TASOR2: variants seen among roughly 807,000 people sequenced by gnomAD.
TASOR2 encodes transcription activation suppressor family member 2.
Under a neutral mutation model 199.5 loss-of-function variants are expected in TASOR2, and 84 were observed. The observed-to-expected ratio is 0.42, with a 90% CI of 0.35 to 0.50. TASOR2 has a LOEUF of 0.50. Among genes scored for constraint, TASOR2 ranks in the 20% least tolerant of loss-of-function variants. The pLI, the probability that TASOR2 is intolerant of heterozygous loss-of-function variation, is 0.02. For synonymous variants in TASOR2, 1,103 were observed against 1,046.6 expected (o/e 1.05, Z -1.04); for missense variants, 2,796 against 2,835.9 (o/e 0.99, Z 0.32).
At chr10:5,709,777 T>C (rs1162699726) in intron 1 of TASOR2, 1 of 902,378 alleles carries the variant, frequency 1.1e-6, no homozygotes, top group Non-Finnish European at 1.4e-6. Context: ...TAAAAAATTA[T>C]GATTTCCAGT....
intron 6 of TASOR2, among the ~76,000 whole-genome samples, chr10:5,723,029 T>C (rs1447228784): frequency 1.4e-5 from 2 of 140,398 alleles, no homozygotes; most frequent in Non-Finnish European, 3.1e-5. Context: ...AAGGAAAAAG[T>C]AGTCAGGAAA....
Position 5,692,586 on chromosome 10 carries a change from A to G in TASOR2, c.-288+7411A>G, listed in dbSNP as rs556224243. Among the ~76,000 whole-genome samples the G allele has an allele frequency of 1.8e-4, 27 of 151,984 alleles. 1 individual carries two copies. Among genetic ancestry groups the G allele is most frequent in the Middle Eastern group, 3.4e-3 (1 of 294 alleles). The stretch of plus-strand genomic sequence containing the variant: ...TTCTGTAGGGTTCCCTGGTGTGTGG[A>G]GTCCCTACCCGCTACAAGCTCCGTT... On this transcript the variant is annotated intron_variant, in intron 1 of 20. Transcript: ENST00000328090.
intron 1 of TASOR2, among the ~76,000 whole-genome samples, chr10:5,708,701 T>TTCCTC (rs1393769844): frequency 2.1e-5 from 3 of 141,676 alleles, no homozygotes; most frequent in East Asian, 4.8e-4. Context: ...TTTCTTTCCT[T>TTCCTC]TCCTCTCTTT....
chr10:5,720,603 T>C lies in TASOR2; in HGVS notation c.-40T>C, dbSNP rs565598467. 2.5e-6 allele frequency: 4 copies of C among 1,613,900 alleles called. No individual in the cohort carries two copies. In the Admixed American group the frequency reaches 6.7e-5, roughly 27 times the overall value. On this transcript the variant is annotated 5_prime_UTR_variant, in exon 4 of 21. Coordinates refer to ENST00000328090, the Ensembl canonical transcript of TASOR2. This position sits in a 1 kb window ranked among gnomAD's most constrained non-coding sequence, Gnocchi z 5.3. ...TTGAACGACCCAGACAGATCTGTCC[T>C]TATGTAATTGTAGCTTTTCGATACA...
exon 15 of TASOR2, chr10:5,747,945 T>C (rs1398563444): frequency 1.9e-6 from 3 of 1,613,844 alleles, no homozygotes; most frequent in South Asian, 1.1e-5. Context: ...CAAGTGAGCA[T>C]GATGAGGGTT....
exon 21 of TASOR2, chr10:5,763,115 A>T: frequency 4.0e-5 from 49 of 1,226,738 alleles, no homozygotes; most frequent in Non-Finnish European, 4.9e-5. Context: ...ACATGTGAAT[A>T]CACATGTGAA....
At chr10:5,686,133 A>G (rs527482271) in intron 1 of TASOR2, among the ~76,000 whole-genome samples, 1 of 152,322 alleles carries the variant, frequency 6.6e-6, no homozygotes, top group Non-Finnish European at 1.5e-5. Context: ...CCTGTACTGT[A>G]CATCAATAAA....
Position 5,708,606 on chromosome 10 carries a change from T to C in TASOR2, c.-287-4217T>C, listed in dbSNP as rs12217345. ...TCTCTCTCTTTCTCTATCTCTTCCT[T>C]CCTCCCTCCCTCCCTCCCTCCCTTC... is the stretch of plus-strand genomic sequence containing the variant. On this transcript the variant is annotated intron_variant, in intron 1 of 20. Coordinates refer to ENST00000328090, the Ensembl canonical transcript of TASOR2. Among the ~76,000 whole-genome samples, 105 of 47,112 alleles carry C rather than the reference T, an allele frequency of 2.2e-3. 1 individual carries two copies. The highest frequency in any genetic ancestry group is 0.018 in the Admixed American group (71 of 3,866). 30.9% of individuals were successfully genotyped at this position (47,112 alleles called of 152,430 possible). A position where few individuals can be genotyped will look rare whatever the true frequency, so the allele number is the denominator to read the frequency against.
rs200378870 is a variant in TASOR2 at position 5,731,331 on chromosome 10, C to T, written c.1204+128C>T. 8.2e-5 allele frequency: 65 copies of T among 790,252 alleles called. 1 individual carries two copies. In the East Asian group the frequency reaches 9.3e-4, roughly 11 times the overall value. The allele number at this position is 790,252 out of a possible 1,614,324, so 49.0% of individuals were successfully genotyped here. On this transcript the variant is annotated intron_variant, in intron 11 of 20. Coordinates refer to ENST00000328090, the Ensembl canonical transcript of TASOR2. ...ATCACCTAAGGTCAGGAGTTTGAGA[C>T]CAGTCTGACCAATACGGTGACACCC... is the stretch of plus-strand genomic sequence containing the variant.
At position 5,749,914 on chromosome 10, in the gene TASOR2, G is replaced by A. The variant is rs764650973; in HGVS notation, c.6493G>A (p.Val2165Met). 7.4e-6 allele frequency: 12 copies of A among 1,614,154 alleles called. No homozygotes were observed. The Admixed American group carries it at 1.2e-4, about 16-fold the overall frequency. Residue 2165 changes from valine to methionine, a missense_variant, in exon 15 of 21, where the codon GTG (valine) becomes ATG (methionine). Around this residue, in one of 3 missense-constraint regions of TASOR2, gnomAD observed 1,941 missense variants for 1,924.9 expected, o/e 1.01. Transcript: ENST00000328090. Reference sequence around the variant, plus strand: ...CTCCTATGAAGACATAATCATAGACGTGTGCACCAATTTGCACGTCAAACT... The same window carrying A: ...CTCCTATGAAGACATAATCATAGACATGTGCACCAATTTGCACGTCAAACT...
rs763852723 is a variant in TASOR2, at chr10:5,730,906, A to G, written c.907A>G (p.Met303Val). 6.2e-6 allele frequency: 10 copies of G among 1,614,096 alleles called. No individual in the cohort carries two copies. The Middle Eastern group carries it at 4.9e-4, about 80-fold the overall frequency. The change falls in exon 11 of 21, where the codon ATG (methionine) becomes GTG (valine). Residue 303 changes from methionine (M) to valine (V), a missense_variant. Physicochemically the swap from Met to Val is conservative, Grantham distance 21. Around this residue, in one of 3 missense-constraint regions of TASOR2, gnomAD observed 847 missense variants for 887.4 expected, o/e 0.95. Coordinates refer to ENST00000328090, the Ensembl canonical transcript of TASOR2. This position sits in a 1 kb window ranked among gnomAD's most constrained non-coding sequence, Gnocchi z 4.1. ...TTGTGATGCTGGATTTTCCTTAGTT[A>G]TGACTCCAGATCCTGAATTTCTTGT... is the stretch of plus-strand genomic sequence containing the variant.
rs554112996 is a variant in TASOR2, at chr10:5,712,861, T to C, written c.-249T>C. On this transcript the variant is annotated 5_prime_UTR_variant, in exon 2 of 21. Transcript: ENST00000328090. ...ACCAACAAAAAAAAGCAAGTAGTTA[T>C]ACTCAGGAAGAACTTCAAGACACTT... The C allele has an allele frequency of 1.6e-5, 20 of 1,231,368 alleles. No individual in the cohort carries two copies. In the South Asian group the frequency reaches 5.3e-4, roughly 33 times the overall value. The allele number at this position is 1,231,368 out of a possible 1,614,324, so 76.3% of individuals were successfully genotyped here. A position where few individuals can be genotyped will look rare whatever the true frequency, so the allele number is the denominator to read the frequency against.
Position 5,750,354 on chromosome 10 carries a change from G to C in TASOR2, c.6606+327G>C, listed in dbSNP as rs1441438329. Among the ~76,000 whole-genome samples, 1 of 152,204 alleles carries C rather than the reference G, an allele frequency of 6.6e-6. No individual in the cohort carries two copies. Among genetic ancestry groups the C allele is most frequent in the Non-Finnish European group, 1.5e-5 (1 of 68,030 alleles). ...ACAGATTTTTTGAAAAGTGGTTGTAGATTGTCCGTTAGTGTGGGTGGTCAA... is the reference window on the plus strand; with the variant it reads ...ACAGATTTTTTGAAAAGTGGTTGTACATTGTCCGTTAGTGTGGGTGGTCAA... On this transcript the variant is annotated intron_variant, in intron 15 of 20. Coordinates refer to ENST00000328090, the Ensembl canonical transcript of TASOR2. This position sits in a 1 kb window ranked among gnomAD's most constrained non-coding sequence, Gnocchi z 5.4.
chr10:5,685,394 G>A lies in TASOR2; in HGVS notation c.-288+219G>A, dbSNP rs565994047. Among the ~76,000 whole-genome samples, 46 of 152,052 alleles carry A rather than the reference G, an allele frequency of 3.0e-4. No homozygotes were observed. In the South Asian group the frequency reaches 9.1e-3, roughly 30 times the overall value. ...ACAACCTGTGGCCGCGCTCGGTGTC[G>A]CCGGCAGGGAGATCCTAACCGTGTC... On this transcript the variant is annotated intron_variant, in intron 1 of 20. Coordinates refer to ENST00000328090, the Ensembl canonical transcript of TASOR2. The surrounding 1 kb of genome is among the most constrained non-coding windows in gnomAD (Gnocchi z 5.4).
At position 5,754,861 on chromosome 10, in the gene TASOR2, G is replaced by A. The variant is rs570557915; in HGVS notation, c.6607-1752G>A. On this transcript the variant is annotated intron_variant, in intron 15 of 20. Coordinates refer to ENST00000328090, the Ensembl canonical transcript of TASOR2. The surrounding 1 kb of genome is among the most constrained non-coding windows in gnomAD (Gnocchi z 4.3). ...GATTGAGACCTTCCTGGCTAACACC[G>A]TGAAACCCCATCTCTACTAAAAATA... Among the ~76,000 whole-genome samples, 11 of 151,698 alleles carry A rather than the reference G, an allele frequency of 7.3e-5. No individual in the cohort carries two copies. The highest frequency in any genetic ancestry group is 1.6e-4 in the Non-Finnish European group (11 of 67,886).
chr10:5,686,445 T>C (rs1835825361), intron 1 of TASOR2, among the ~76,000 whole-genome samples: 1 of 152,234 alleles, frequency 6.6e-6, no homozygotes, highest in African/African-American at 2.4e-5. Context: ...TTTCTGTTGG[T>C]AGACATTCAA....
At position 5,748,030 on chromosome 10, in the gene TASOR2, G is replaced by A; in HGVS notation, c.4609G>A (p.Asp1537Asn). ...TGCCTCAGCTGCCAAATGCACAGGT[G>A]ACTTCAGTCCTTCTCCTGAAAAACT... Residue 1537 changes from aspartate to asparagine, a missense_variant, in exon 15 of 21, where the codon GAC (aspartate) becomes AAC (asparagine). Asp to Asn is a conservative substitution (Grantham distance 23). This residue lies in a region of TASOR2 where 1,941 missense variants were observed against 1,924.9 expected (regional missense o/e 1.01). Coordinates refer to ENST00000328090, the Ensembl canonical transcript of TASOR2. This position sits in a 1 kb window ranked among gnomAD's most constrained non-coding sequence, Gnocchi z 5.1. 6.2e-7 allele frequency: 1 copy of A among 1,614,140 alleles called. No individual in the cohort carries two copies. Among genetic ancestry groups the A allele is most frequent in the Non-Finnish European group, 8.5e-7 (1 of 1,180,038 alleles).
At chr10:5,718,521 G>T (rs1227611802) in intron 3 of TASOR2, among the ~76,000 whole-genome samples, 1 of 151,998 alleles carries the variant, frequency 6.6e-6, no homozygotes, top group Non-Finnish European at 1.5e-5. Flanking sequence ...GCCGAGGCGG[G>T]TGGATCACCT....
In TASOR2 at chr10:5,706,268, A is replaced by G. The variant is rs1156531115; in HGVS notation, c.-287-6555A>G. 6.6e-6 allele frequency among the ~76,000 whole-genome samples: 1 copy of G among 152,218 alleles called. No homozygotes were observed. Among genetic ancestry groups the G allele is most frequent in the East Asian group, 1.9e-4 (1 of 5,202 alleles). On this transcript the variant is annotated intron_variant, in intron 1 of 20. Transcript: ENST00000328090. This position sits in a 1 kb window ranked among gnomAD's most constrained non-coding sequence, Gnocchi z 4.8. ...TAGCTTTGTAGTAATTCTCAAAATC[A>G]GGTAGTGAGTCCTTCAGCTTTGTTC...
Sources: allele counts gnomAD v4.1 joint callset (sites outside exome capture counted in the v4.1 genomes callset), GRCh38; gene constraint gnomAD v4.1.1; regional missense constraint gnomAD v4.1.1; non-coding constraint Gnocchi (gnomAD v3.1); transcripts MANE v1.5; gene names NCBI Gene and HGNC (gene_info 2026-07-23, HGNC 2026-07-21).